The following LRMDA variants were observed in gnomAD, a reference collection of about 807,000 sequenced individuals.
LRMDA encodes leucine-rich melanocyte differentiation-associated protein.
A neutral mutation model predicts 29.8 loss-of-function variants in LRMDA; 18 were observed. The observed-to-expected ratio is 0.60, with a 90% CI of 0.42 to 0.90. The LOEUF (loss-of-function observed/expected upper bound fraction) is 0.90. LRMDA is among the 40% of genes least tolerant of loss of function. The pLI is 0.00. For synonymous variants in LRMDA, 125 were observed against 109.4 expected (o/e 1.14, Z -0.89); for missense variants, 273 against 273.9 (o/e 1.00, Z 0.02).
chr10:75,741,862 G>A (rs774347761), intron 2 of LRMDA, among the ~76,000 whole-genome samples: 2 of 152,134 alleles, frequency 1.3e-5, no homozygotes. Flanking sequence ...GTTTTAGGAG[G>A]TGGGGCCTTT....
At chr10:76,503,968 A>G (rs1174519177) in intron 6 of LRMDA, among the ~76,000 whole-genome samples, 2 of 151,596 alleles carry the variant, frequency 1.3e-5, no homozygotes, top group Non-Finnish European at 2.9e-5. Flanking sequence ...GTTTAGCACT[A>G]TAAACTATCT....
At chr10:76,323,669 G>C (rs951000760) in intron 5 of LRMDA, among the ~76,000 whole-genome samples, 1 of 152,096 alleles carries the variant, frequency 6.6e-6, no homozygotes, top group African/African-American at 2.4e-5. Context: ...AAGGATGTTG[G>C]GTTCTGAAAA....
At chr10:75,543,939 T>C (rs7906280) in intron 2 of LRMDA, among the ~76,000 whole-genome samples, 77,529 of 152,014 alleles carry the variant, frequency 0.51, 22,340 homozygotes, top group Non-Finnish European at 0.64. Context: ...TGTCGCTGAA[T>C]GTGCTTCCTT....
intron 2 of LRMDA, among the ~76,000 whole-genome samples, chr10:75,602,218 C>T (rs533939903): frequency 7.2e-5 from 11 of 151,726 alleles, no homozygotes; most frequent in Non-Finnish European, 1.2e-4. Flanking sequence ...AATGATGCAC[C>T]GTTACTGTCA....
At chr10:75,957,238 G>T (rs1318212664) in intron 2 of LRMDA, among the ~76,000 whole-genome samples, 2 of 152,228 alleles carry the variant, frequency 1.3e-5, no homozygotes, top group African/African-American at 4.8e-5. Context: ...GGGCTATGCT[G>T]AGTTCAACCT....
intron 2 of LRMDA, among the ~76,000 whole-genome samples, chr10:75,587,485 C>A (rs767304512): frequency 9.9e-5 from 15 of 152,100 alleles, no homozygotes; most frequent in Non-Finnish European, 2.1e-4. Context: ...TTTGCTAACC[C>A]ATCTTTTATA....
At chr10:75,435,262 A>T (rs1844251369) in intron 1 of LRMDA, among the ~76,000 whole-genome samples, 1 of 152,240 alleles carries the variant, frequency 6.6e-6, no homozygotes, top group Non-Finnish European at 1.5e-5. Context: ...TTGCTGAAGA[A>T]GCAAACTATT....
At chr10:76,326,696 T>A (rs1334197829) in intron 6 of LRMDA, among the ~76,000 whole-genome samples, 1 of 152,236 alleles carries the variant, frequency 6.6e-6, no homozygotes, top group African/African-American at 2.4e-5. Flanking sequence ...TTTCTGTACA[T>A]GCCATTTTCC....
At chr10:75,934,878 A>G (rs1846261700) in intron 2 of LRMDA, among the ~76,000 whole-genome samples, 1 of 152,178 alleles carries the variant, frequency 6.6e-6, no homozygotes, top group African/African-American at 2.4e-5. Flanking sequence ...AGTTGGAGCC[A>G]ATCTATTTAT....
intron 6 of LRMDA, among the ~76,000 whole-genome samples, chr10:76,454,715 C>T (rs909041196): frequency 4.0e-5 from 6 of 149,710 alleles, no homozygotes; most frequent in Non-Finnish European, 8.9e-5. Flanking sequence ...TGCCCAATGA[C>T]AGAGTAGACT....
intron 6 of LRMDA, among the ~76,000 whole-genome samples, chr10:76,343,202 T>C (rs1841062587): frequency 6.6e-6 from 1 of 152,206 alleles, no homozygotes; most frequent in African/African-American, 2.4e-5. Flanking sequence ...ACTACTTTAC[T>C]CTTACAGAAG....
At chr10:76,012,987 A>G (rs1418486099) in intron 2 of LRMDA, among the ~76,000 whole-genome samples, 1 of 152,176 alleles carries the variant, frequency 6.6e-6, no homozygotes, top group Non-Finnish European at 1.5e-5. Flanking sequence ...GTATTTGTAA[A>G]AGCGATTTCT....
intron 2 of LRMDA, among the ~76,000 whole-genome samples, chr10:75,905,940 T>C (rs201748982): frequency 6.9e-6 from 1 of 145,620 alleles, no homozygotes; most frequent in South Asian, 2.2e-4. Context: ...GTTTTTTTTT[T>C]CTTTTTTTTA....
intron 6 of LRMDA, among the ~76,000 whole-genome samples, chr10:76,552,821 T>C (rs1301254166): frequency 6.6e-6 from 1 of 152,152 alleles, no homozygotes; most frequent in Non-Finnish European, 1.5e-5. Context: ...TGAATGGATG[T>C]GCAAGAATTC....
intron 2 of LRMDA, among the ~76,000 whole-genome samples, chr10:75,542,715 G>C (rs1840032604): frequency 6.6e-6 from 1 of 152,186 alleles, no homozygotes; most frequent in Non-Finnish European, 1.5e-5. Context: ...CCCCAATGGG[G>C]TGAGAATATC....
At chr10:75,896,616 G>C (rs990225375) in intron 2 of LRMDA, among the ~76,000 whole-genome samples, 1 of 152,114 alleles carries the variant, frequency 6.6e-6, no homozygotes, top group African/African-American at 2.4e-5. Flanking sequence ...AGATTCATGA[G>C]CAAAGTGACT....
At chr10:75,790,085 G>GA (rs1843539846) in intron 2 of LRMDA, among the ~76,000 whole-genome samples, 1 of 152,084 alleles carries the variant, frequency 6.6e-6, no homozygotes, top group Non-Finnish European at 1.5e-5. Flanking sequence ...CACAATGAAA[G>GA]AATTATTTTA....
intron 2 of LRMDA, among the ~76,000 whole-genome samples, chr10:75,698,948 C>A (rs1261186524): frequency 6.6e-6 from 1 of 152,128 alleles, no homozygotes; most frequent in African/African-American, 2.4e-5. Flanking sequence ...TGCCTATAAT[C>A]CCAGCACTTT....
intron 2 of LRMDA, among the ~76,000 whole-genome samples, chr10:75,518,279 A>C (rs889901920): frequency 6.6e-6 from 1 of 152,162 alleles, no homozygotes; most frequent in Non-Finnish European, 1.5e-5. Context: ...AAGGAATGGT[A>C]CCAGCTCCTC....
Sources: allele counts gnomAD v4.1 joint callset (sites outside exome capture counted in the v4.1 genomes callset), GRCh38; gene constraint gnomAD v4.1.1; transcripts MANE v1.5; gene names NCBI Gene and HGNC (gene_info 2026-07-23, HGNC 2026-07-21).